Variants in SDCCAG8 observed in about 807,000 individuals in gnomAD.
The protein encoded by SDCCAG8 is SHH signaling and ciliogenesis regulator SDCCAG8.
SDCCAG8 carries 74 observed loss-of-function variants against 101.8 expected under a neutral mutation model. The observed-to-expected ratio is 0.73, with a 90% CI of 0.60 to 0.88. SDCCAG8 has a LOEUF of 0.88. SDCCAG8 is among the 40% of genes least tolerant of loss of function. The pLI is 0.00. For synonymous variants in SDCCAG8, 281 were observed against 292.9 expected, an observed-to-expected ratio of 0.96 and a Z score of 0.41; for missense variants, 787 against 822.6, an observed-to-expected ratio of 0.96 and a Z score of 0.53.
intron 12 of SDCCAG8, among the ~76,000 whole-genome samples, chr1:243,369,364 C>T (rs1206533262): frequency 2.6e-5 from 4 of 152,056 alleles, no homozygotes; most frequent in African/African-American, 4.8e-5. Flanking sequence ...GTACTGTGAC[C>T]GACCAAGGGC....
chr1:243,453,222 G>A (rs1276525604), intron 16 of SDCCAG8, among the ~76,000 whole-genome samples: 1 of 152,120 alleles, frequency 6.6e-6, no homozygotes, highest in Non-Finnish European at 1.5e-5. Flanking sequence ...AGCAGGTTTC[G>A]CTTGGCACTC....
At chr1:243,271,340 AATAT>A (rs2068065507) in intron 3 of SDCCAG8, among the ~76,000 whole-genome samples, 1 of 148,494 alleles carries the variant, frequency 6.7e-6, no homozygotes, top group African/African-American at 2.4e-5. Flanking sequence ...ATGTAATATA[AATAT>A]ATAATATATA....
At chr1:243,374,895 T>C (rs1256400312) in intron 12 of SDCCAG8, among the ~76,000 whole-genome samples, 1 of 152,094 alleles carries the variant, frequency 6.6e-6, no homozygotes, top group Admixed American at 6.6e-5. Flanking sequence ...AAAAAAATTA[T>C]TGATGATTGT....
At chr1:243,356,044 G>A (rs879909535) in intron 12 of SDCCAG8, among the ~76,000 whole-genome samples, 1 of 152,236 alleles carries the variant, frequency 6.6e-6, no homozygotes, top group African/African-American at 2.4e-5. Flanking sequence ...TCGTAGAACT[G>A]TAGGAGGGTC....
intron 12 of SDCCAG8, among the ~76,000 whole-genome samples, chr1:243,353,554 A>T (rs541935473): frequency 6.7e-6 from 1 of 149,262 alleles, no homozygotes; most frequent in Non-Finnish European, 1.5e-5. Flanking sequence ...AGAAGAAGAA[A>T]TTTATTTGGT....
intron 6 of SDCCAG8, among the ~76,000 whole-genome samples, chr1:243,293,969 T>C (rs1038538923): frequency 6.6e-6 from 1 of 152,226 alleles, no homozygotes; most frequent in African/African-American, 2.4e-5. Flanking sequence ...TATTATACTT[T>C]TTAGCTCCAG....
intron 12 of SDCCAG8, among the ~76,000 whole-genome samples, chr1:243,374,229 A>G (rs1367535129): frequency 6.6e-6 from 1 of 152,124 alleles, no homozygotes; most frequent in Non-Finnish European, 1.5e-5. Flanking sequence ...TGAGATAATC[A>G]ATCCAACAAC....
chr1:243,290,518 G>A (rs1179281350), intron 5 of SDCCAG8, among the ~76,000 whole-genome samples: 4 of 151,988 alleles, frequency 2.6e-5, no homozygotes, highest in Admixed American at 6.6e-5. Flanking sequence ...TGACTCTACC[G>A]AGAGAATCAA....
chr1:243,479,903 G>C (rs921898419), intron 16 of SDCCAG8, among the ~76,000 whole-genome samples: 1 of 151,770 alleles, frequency 6.6e-6, no homozygotes, highest in African/African-American at 2.4e-5. Flanking sequence ...AGTCATCCAG[G>C]GGCCTTATTA....
intron 10 of SDCCAG8, 27 bp from the exon 11 acceptor site, chr1:243,341,012 G>A: frequency 6.2e-7 from 1 of 1,608,142 alleles, no homozygotes; most frequent in Non-Finnish European, 8.5e-7. Context: ...TGACATTATT[G>A]TTTAGGACTT....
At chr1:243,439,141 T>A (rs1486948874) in intron 16 of SDCCAG8, among the ~76,000 whole-genome samples, 2 of 152,070 alleles carry the variant, frequency 1.3e-5, no homozygotes, top group Non-Finnish European at 2.9e-5. Flanking sequence ...GACTGCTTCT[T>A]CTTTTATTTT....
At position 243,256,106 on chromosome 1, in the gene SDCCAG8, T is replaced by G; in HGVS notation, c.-68T>G. On this transcript the variant is annotated 5_prime_UTR_variant, in exon 1 of 18. Transcript: ENST00000366541. ...GGGCGCTCCCCGGCCACAGGCCTGTTGTTCTCGGAAGGGAGAAAGCTGGAC... is the reference window on the plus strand; with the variant it reads ...GGGCGCTCCCCGGCCACAGGCCTGTGGTTCTCGGAAGGGAGAAAGCTGGAC... The G allele has an allele frequency of 6.7e-7, 1 of 1,485,502 alleles. No homozygotes were observed. The highest frequency in any genetic ancestry group is 1.7e-5 in the Admixed American group (1 of 59,880). 92.0% of individuals were successfully genotyped at this position (1,485,502 alleles called of 1,614,324 possible). A position where few individuals can be genotyped will look rare whatever the true frequency, so the allele number is the denominator to read the frequency against.
At position 243,426,682 on chromosome 1, in the gene SDCCAG8, A is replaced by G. The variant is rs2081364770; in HGVS notation, c.1985+124A>G. ...ATTATGCTACTTGTGACATGCTCAA[A>G]ATCTAATACTTTATTTTATGTATTT... is the stretch of plus-strand genomic sequence containing the variant. On this transcript the variant is annotated intron_variant, in intron 16 of 17. Transcript: ENST00000366541. The G allele has an allele frequency of 6.9e-6, 8 of 1,161,816 alleles. No homozygotes were observed. The South Asian group carries it at 1.0e-4, about 15-fold the overall frequency. 72.0% of individuals were successfully genotyped at this position (1,161,816 alleles called of 1,614,324 possible).
intron 16 of SDCCAG8, among the ~76,000 whole-genome samples, chr1:243,457,363 A>G (rs1245319659): frequency 1.3e-5 from 2 of 152,214 alleles, no homozygotes; most frequent in South Asian, 2.1e-4. Flanking sequence ...GATCCAAAGC[A>G]TCATTCTTTC....
intron 13 of SDCCAG8, among the ~76,000 whole-genome samples, chr1:243,404,471 T>C (rs190115156): frequency 3.3e-5 from 5 of 152,344 alleles, no homozygotes; most frequent in Admixed American, 3.3e-4. Flanking sequence ...TGTTAAATCA[T>C]AAAATGACTA....
At chr1:243,467,065 G>A (rs1229015648) in intron 16 of SDCCAG8, among the ~76,000 whole-genome samples, 4 of 152,188 alleles carry the variant, frequency 2.6e-5, no homozygotes, top group Admixed American at 2.0e-4. Context: ...AACCTGGGGG[G>A]CACCTTGTGC....
At chr1:243,465,833 G>A (rs985453809) in intron 16 of SDCCAG8, among the ~76,000 whole-genome samples, 7 of 152,044 alleles carry the variant, frequency 4.6e-5, no homozygotes, top group African/African-American at 1.2e-4. Flanking sequence ...TAATCTCATC[G>A]GCCTTTTCAT....
chr1:243,275,296 C>T (rs567995307), intron 4 of SDCCAG8, among the ~76,000 whole-genome samples: 1 of 150,054 alleles, frequency 6.7e-6, no homozygotes, highest in South Asian at 2.1e-4. Flanking sequence ...CTCTTTCTTT[C>T]TTTCCCTCCC....
At chr1:243,352,661 A>G (rs1008922817) in intron 12 of SDCCAG8, among the ~76,000 whole-genome samples, 1 of 152,246 alleles carries the variant, frequency 6.6e-6, no homozygotes, top group African/African-American at 2.4e-5. Flanking sequence ...TAATTACTAC[A>G]TATGCATACA....
Sources: gnomAD v4.1 joint callset for allele counts (sites outside exome capture counted in the v4.1 genomes callset) on GRCh38, gnomAD v4.1.1 for gene constraint, MANE v1.5 for transcripts, NCBI Gene and HGNC (gene_info 2026-07-23, HGNC 2026-07-21) for gene names.